Variants in ADCK5 observed in about 807,000 individuals in gnomAD.
ADCK5 encodes the protein uncharacterized aarF domain-containing protein kinase 5.
A neutral mutation model predicts 64.9 loss-of-function variants in ADCK5; 43 were observed. The ratio of observed to expected loss-of-function variants is 0.66; its 90% CI spans 0.52 to 0.85. The LOEUF (loss-of-function observed/expected upper bound fraction) is 0.85. Ranked by LOEUF, ADCK5 falls within the 40% of genes least tolerant of loss-of-function variation. ADCK5 has a pLI of 0.00. For missense variants in ADCK5, 760 were observed against 810.5 expected, an observed-to-expected ratio of 0.94 and a Z score of 0.76; for synonymous variants, 434 against 342.8, an observed-to-expected ratio of 1.27 and a Z score of -2.94.
intron 3 of ADCK5, among the ~76,000 whole-genome samples, chr8:144,383,611 C>T (rs1586584209): frequency 1.3e-5 from 2 of 152,356 alleles, no homozygotes; most frequent in Non-Finnish European, 1.5e-5. Flanking sequence ...TCTCTTCTTG[C>T]CCCATTCCAA....
intron 1 of ADCK5, chr8:144,375,377 G>A (rs1052359846): frequency 5.8e-6 from 5 of 862,106 alleles, no homozygotes; most frequent in African/African-American, 5.5e-5. Flanking sequence ...TAACTTTGGG[G>A]ACAATTATGT....
chr8:144,391,107 G>A (rs782066521), intron 5 of ADCK5, 27 bp from the exon 6 acceptor site: 3 of 1,610,462 alleles, frequency 1.9e-6, no homozygotes, highest in Non-Finnish European at 1.7e-6. Flanking sequence ...AGTGGCCCCA[G>A]GCTGCTCTGA....
In ADCK5 at chr8:144,393,075, G is replaced by C. The variant is rs782722331; in HGVS notation, c.*1G>C. The C allele has an allele frequency of 6.4e-7, 1 of 1,567,690 alleles. No homozygotes were observed. The highest frequency in any genetic ancestry group is 2.3e-5 in the East Asian group (1 of 42,962). ...GCTCTACCAGTACCTGGAGACCTAG[G>C]GTGCAGCCGCCCAGGGCCGGCGGGG... On this transcript the variant is annotated 3_prime_UTR_variant, in exon 15 of 15. Coordinates refer to ENST00000308860, the MANE Select transcript of ADCK5 (RefSeq NM_174922.5).
rs201933662 is a variant in ADCK5 at position 144,393,098 on chromosome 8, G to C, written c.*24G>C. The C allele has an allele frequency of 2.0e-6, 3 of 1,519,984 alleles. No individual in the cohort carries two copies. The highest frequency in any genetic ancestry group is 4.8e-5 in the East Asian group (2 of 41,290). 94.2% of individuals were successfully genotyped at this position (1,519,984 alleles called of 1,614,324 possible). A position where few individuals can be genotyped will look rare whatever the true frequency, so the allele number is the denominator to read the frequency against. ...AGGGTGCAGCCGCCCAGGGCCGGCG[G>C]GGCCCTTTTCACCTTGGGCTGACGG... On this transcript the variant is annotated 3_prime_UTR_variant, in exon 15 of 15. Transcript: ENST00000308860.
At position 144,391,342 on chromosome 8, in the gene ADCK5, A is replaced by G. The variant is rs1820215067; in HGVS notation, c.685-19A>G. On this transcript the variant is annotated intron_variant, in intron 6 of 14. Transcript: ENST00000308860. ...CACAGTGGGGCCCCAAGTTCTCACC[A>G]CACCCTCGCCCAGTGCAGGTGCAGT... 1 of 1,612,610 alleles carries G rather than the reference A, an allele frequency of 6.2e-7. No individual in the cohort carries two copies. Among genetic ancestry groups the G allele is most frequent in the Non-Finnish European group, 8.5e-7 (1 of 1,179,802 alleles).
At chr8:144,377,292 A>G (rs1479705483) in intron 1 of ADCK5, 2 of 152,166 alleles carry the variant, frequency 1.3e-5, no homozygotes, top group South Asian at 2.1e-4. Flanking sequence ...GTGTTTTCAT[A>G]GTCACAAAAA....
rs200120212 is a variant in ADCK5 at position 144,384,024 on chromosome 8, C to T, written c.266+794C>T. On this transcript the variant is annotated intron_variant, in intron 3 of 14. Coordinates refer to ENST00000308860, the MANE Select transcript of ADCK5 (RefSeq NM_174922.5). The surrounding 1 kb of genome is among the most constrained non-coding windows in gnomAD (Gnocchi z 5.7). ...CTCCTGCCTCAGCCTCCTGAGTAGCCGGGACTACAGGTGCCCACCACCATG... is the reference window on the plus strand; with the variant it reads ...CTCCTGCCTCAGCCTCCTGAGTAGCTGGGACTACAGGTGCCCACCACCATG... Among the ~76,000 whole-genome samples, 23 of 151,374 alleles carry T rather than the reference C, an allele frequency of 1.5e-4. No homozygotes were observed. The highest frequency in any genetic ancestry group is 2.8e-4 in the Non-Finnish European group (19 of 67,914).
At chr8:144,390,031 A>C (rs574031550) in intron 3 of ADCK5, among the ~76,000 whole-genome samples, 3 of 150,648 alleles carry the variant, frequency 2.0e-5, no homozygotes, top group African/African-American at 4.9e-5. Flanking sequence ...GGGTTTCACC[A>C]TGTTGGCCAG....
intron 2 of ADCK5, among the ~76,000 whole-genome samples, chr8:144,381,663 C>T (rs1819653715): frequency 6.7e-6 from 1 of 149,602 alleles, no homozygotes; most frequent in Admixed American, 6.6e-5. Flanking sequence ...GATGTGTGCT[C>T]AGGCACCTCC....
Position 144,391,876 on chromosome 8 carries a change from G to A in ADCK5, c.1014+10G>A. 1 of 1,593,406 alleles carries A rather than the reference G, an allele frequency of 6.3e-7. No individual in the cohort carries two copies. Among genetic ancestry groups the A allele is most frequent in the Non-Finnish European group, 8.5e-7 (1 of 1,173,138 alleles). ...GCTGGCAGTGCATGACGTGAGTGCG[G>A]GGGGGCGGGGGCGGGTCAGGGCGGG... On this transcript the variant is annotated intron_variant, in intron 9 of 14. Coordinates refer to ENST00000308860, the MANE Select transcript of ADCK5 (RefSeq NM_174922.5).
upstream of ADCK5, chr8:144,373,949 C>A (rs1211435843): frequency 2.1e-6 from 2 of 945,440 alleles, no homozygotes; most frequent in Non-Finnish European, 2.7e-6. Context: ...CGGCACGACT[C>A]GGGGCGTGGC....
At chr8:144,387,588 A>G (rs1819978415) in intron 3 of ADCK5, among the ~76,000 whole-genome samples, 1 of 148,946 alleles carries the variant, frequency 6.7e-6, no homozygotes, top group African/African-American at 2.5e-5. Context: ...AATTTTTAGT[A>G]GAGATGGGGT....
chr8:144,388,480 T>A (rs781801730), intron 3 of ADCK5, among the ~76,000 whole-genome samples: 2 of 151,664 alleles, frequency 1.3e-5, no homozygotes, highest in Admixed American at 6.6e-5. Flanking sequence ...GTAGAAAAGT[T>A]AGAGCCGGGC....
rs1819758818 is a variant in ADCK5 at position 144,383,222 on chromosome 8, C to T, written c.258C>T (p.Arg86=). ...GGCTCGTGGTGGATGGCATGGGGCG[C>T]TTTGGCAGGTAGGAGGGCCTGGCGG... ...RMRLVVDGMG[R]FGRSLKVGLQ... The change falls in exon 3 of 15, where the codon CGC becomes CGT. Residue 86 remains arginine (R), a synonymous_variant. Coordinates refer to ENST00000308860, the MANE Select transcript of ADCK5 (RefSeq NM_174922.5). 6.3e-7 allele frequency: 1 copy of T among 1,577,924 alleles called. No individual in the cohort carries two copies. Among genetic ancestry groups the T allele is most frequent in the Non-Finnish European group, 8.6e-7 (1 of 1,160,828 alleles).
chr8:144,383,993 G>A (rs1586584707), intron 3 of ADCK5, among the ~76,000 whole-genome samples: 1 of 145,140 alleles, frequency 6.9e-6, no homozygotes, highest in East Asian at 2.1e-4. Context: ...CCTGGTTCAC[G>A]CCATTCTCCT....
intron 1 of ADCK5, chr8:144,375,655 G>A: frequency 1.0e-6 from 1 of 985,386 alleles, no homozygotes; most frequent in Non-Finnish European, 1.2e-6. Context: ...TTACCACTCA[G>A]AATACTTGCC....
chr8:144,379,752 C>T (rs1192217294), intron 2 of ADCK5, among the ~76,000 whole-genome samples: 4 of 152,156 alleles, frequency 2.6e-5, no homozygotes, highest in South Asian at 2.1e-4. Flanking sequence ...GCACATGGAG[C>T]GCCTGCTCTG....
Position 144,392,462 on chromosome 8 carries a change from G to A in ADCK5, c.1285G>A (p.Glu429Lys). The A allele has an allele frequency of 7.9e-7, 1 of 1,269,618 alleles. No individual in the cohort carries two copies. Among genetic ancestry groups the A allele is most frequent in the South Asian group, 1.3e-5 (1 of 79,636 alleles). The allele number at this position is 1,269,618 out of a possible 1,614,324, so 78.6% of individuals were successfully genotyped here. A position where few individuals can be genotyped will look rare whatever the true frequency, so the allele number is the denominator to read the frequency against. ...CTCCCCAGACTACCTCCTGTTCGCCGAGATGCTCATGCAGCGCCCCGTGCG... is the reference window on the plus strand; with the variant it reads ...CTCCCCAGACTACCTCCTGTTCGCCAAGATGCTCATGCAGCGCCCCGTGCG... Reference protein sequence around the residue: ...LGVQDYLLFAEMLMQRPVRLG... With the variant: ...LGVQDYLLFAKMLMQRPVRLG... The change falls in exon 13 of 15, where the codon GAG (glutamate) becomes AAG (lysine). Residue 429 changes from glutamate to lysine, a missense_variant. Transcript: ENST00000308860.
upstream of ADCK5, chr8:144,373,988 G>A: frequency 1.7e-6 from 2 of 1,185,792 alleles, no homozygotes; most frequent in Non-Finnish European, 2.1e-6. Context: ...CCCACGGGGC[G>A]GGGCTCTGGC....
Sources: allele counts gnomAD v4.1 joint callset (sites outside exome capture counted in the v4.1 genomes callset), GRCh38; gene constraint gnomAD v4.1.1; non-coding constraint Gnocchi (gnomAD v3.1); transcripts MANE v1.5; gene names NCBI Gene and HGNC (gene_info 2026-07-23, HGNC 2026-07-21).